Variants in CTNNA3 observed in about 807,000 individuals in gnomAD.
CTNNA3 encodes the protein catenin alpha-3.
In CTNNA3, 76 loss-of-function variants were observed where a neutral mutation model predicts 95.7. The ratio of observed to expected loss-of-function variants is 0.79; its 90% CI spans 0.66 to 0.96. The LOEUF is 0.96. CTNNA3 is among the 40% of genes least tolerant of loss of function. CTNNA3 has a pLI of 0.00. For synonymous variants in CTNNA3, 431 were observed against 374.4 expected (o/e 1.15, Z -1.74); for missense variants, 1,191 against 1,089.8 (o/e 1.09, Z -1.31).
intron 9 of CTNNA3, among the ~76,000 whole-genome samples, chr10:66,634,473 G>A (rs1845266160): frequency 6.6e-6 from 1 of 151,818 alleles, no homozygotes; most frequent in Admixed American, 6.6e-5. Flanking sequence ...ACAAAAACAA[G>A]TCAATTAAAG....
intron 5 of CTNNA3, among the ~76,000 whole-genome samples, chr10:67,305,675 TA>T (rs1389993815): frequency 6.6e-6 from 1 of 151,838 alleles, no homozygotes; most frequent in Non-Finnish European, 1.5e-5. Context: ...CCATTACAGT[TA>T]AAAAAAGAAA....
intron 5 of CTNNA3, among the ~76,000 whole-genome samples, chr10:67,304,921 A>T (rs901962960): frequency 6.6e-6 from 1 of 152,008 alleles, no homozygotes; most frequent in African/African-American, 2.4e-5. Context: ...AGTGAGGATA[A>T]GGGAAGAGGA....
At chr10:67,597,164 A>G (rs573417982) in intron 3 of CTNNA3, among the ~76,000 whole-genome samples, 3 of 152,282 alleles carry the variant, frequency 2.0e-5, no homozygotes, top group South Asian at 2.1e-4. Flanking sequence ...CTCTTGAATC[A>G]TTTGACTGGA....
intron 7 of CTNNA3, among the ~76,000 whole-genome samples, chr10:67,041,668 T>G (rs1854403467): frequency 6.6e-6 from 1 of 152,162 alleles, no homozygotes. Context: ...AATTGGCATG[T>G]GTCTATTAAT....
chr10:67,142,430 C>A (rs991327162), intron 7 of CTNNA3, among the ~76,000 whole-genome samples: 1 of 151,980 alleles, frequency 6.6e-6, no homozygotes, highest in Non-Finnish European at 1.5e-5. Context: ...AATGAGTGAA[C>A]CTGCTGGGTT....
chr10:66,951,211 G>A (rs972283531), intron 7 of CTNNA3, among the ~76,000 whole-genome samples: 6 of 151,652 alleles, frequency 4.0e-5, no homozygotes, highest in Non-Finnish European at 7.4e-5. Flanking sequence ...TGCCTCCTGG[G>A]TTCAAGCGAT....
chr10:67,495,388 C>T (rs1377416960), intron 5 of CTNNA3, among the ~76,000 whole-genome samples: 2 of 152,132 alleles, frequency 1.3e-5, no homozygotes, highest in African/African-American at 2.4e-5. Context: ...ACATTCTCTC[C>T]GTTTCCCTAA....
At chr10:67,229,446 T>C (rs563539775) in intron 5 of CTNNA3, among the ~76,000 whole-genome samples, 31 of 152,232 alleles carry the variant, frequency 2.0e-4, no homozygotes, top group African/African-American at 6.7e-4. Context: ...CTCTGCAACA[T>C]AGTACTGGAA....
intron 2 of CTNNA3, among the ~76,000 whole-genome samples, chr10:67,623,290 G>C (rs1843910556): frequency 6.6e-6 from 1 of 152,246 alleles, no homozygotes; most frequent in Non-Finnish European, 1.5e-5. Context: ...AAAGGGGGCA[G>C]ACATGTTCTC....
chr10:66,640,519 C>G (rs1288189927), intron 9 of CTNNA3, among the ~76,000 whole-genome samples: 37 of 152,102 alleles, frequency 2.4e-4, no homozygotes, highest in Admixed American at 2.4e-3. Flanking sequence ...TGCTTCTACC[C>G]AATTCTACCT....
intron 3 of CTNNA3, among the ~76,000 whole-genome samples, chr10:67,587,585 T>C (rs1429113853): frequency 6.6e-6 from 1 of 152,192 alleles, no homozygotes; most frequent in East Asian, 1.9e-4. Context: ...CACTGATAGT[T>C]TGATGGAGTT....
intron 15 of CTNNA3, among the ~76,000 whole-genome samples, chr10:66,030,860 C>T (rs548757099): frequency 6.6e-6 from 1 of 152,118 alleles, no homozygotes; most frequent in Admixed American, 6.6e-5. Flanking sequence ...AAGTGGAGAA[C>T]AACCCCATTA....
At chr10:66,624,287 T>C (rs1844854502) in intron 9 of CTNNA3, among the ~76,000 whole-genome samples, 1 of 152,112 alleles carries the variant, frequency 6.6e-6, no homozygotes, top group South Asian at 2.1e-4. Flanking sequence ...ATGACCTCAC[T>C]GGGATGCTTT....
chr10:67,416,169 C>T (rs552449147), intron 5 of CTNNA3, among the ~76,000 whole-genome samples: 73 of 152,128 alleles, frequency 4.8e-4, no homozygotes, highest in Non-Finnish European at 8.1e-4. Flanking sequence ...TAAAGAGCTT[C>T]TGCATGGCAA....
At chr10:66,328,931 T>TAC (rs2092291147) in intron 12 of CTNNA3, among the ~76,000 whole-genome samples, 1 of 119,974 alleles carries the variant, frequency 8.3e-6, no homozygotes, top group South Asian at 3.0e-4. Flanking sequence ...TATATATATA[T>TAC]ATACACACAC....
chr10:66,718,957 A>G (rs1219668222), intron 9 of CTNNA3, among the ~76,000 whole-genome samples: 1 of 152,192 alleles, frequency 6.6e-6, no homozygotes, highest in African/African-American at 2.4e-5. Context: ...TGTGTGGTGG[A>G]AAGTCATTAA....
intron 11 of CTNNA3, among the ~76,000 whole-genome samples, chr10:66,519,483 A>G (rs1429969008): frequency 6.6e-6 from 1 of 152,214 alleles, no homozygotes; most frequent in Non-Finnish European, 1.5e-5. Context: ...GGAAAAGTCA[A>G]GCTGGGAACT....
intron 7 of CTNNA3, among the ~76,000 whole-genome samples, chr10:67,084,667 T>C (rs1466079903): frequency 4.6e-5 from 7 of 151,894 alleles, no homozygotes; most frequent in African/African-American, 1.4e-4. Flanking sequence ...TGATAACTTT[T>C]ATAATGGACA....
chr10:67,505,324 A>G (rs914859639), intron 5 of CTNNA3, among the ~76,000 whole-genome samples: 3 of 152,232 alleles, frequency 2.0e-5, no homozygotes, highest in African/African-American at 7.2e-5. Context: ...CAATGACTTT[A>G]ACATTAAAGT....
Sources: gnomAD v4.1 joint callset for allele counts (sites outside exome capture counted in the v4.1 genomes callset) on GRCh38, gnomAD v4.1.1 for gene constraint, MANE v1.5 for transcripts, NCBI Gene and HGNC (gene_info 2026-07-23, HGNC 2026-07-21) for gene names.